The following NR3C1 variants were observed in gnomAD, a reference collection of about 807,000 sequenced individuals.
NR3C1 encodes the protein nuclear receptor subfamily 3 group C member 1, also known as glucocorticoid receptor.
A neutral mutation model predicts 74.0 loss-of-function variants in NR3C1; 14 were observed. That is an observed-to-expected ratio of 0.19 (90% CI 0.12 to 0.30). NR3C1 has a LOEUF of 0.30. NR3C1 is among the 10% of genes least tolerant of loss of function. The pLI, the probability that NR3C1 is intolerant of heterozygous loss-of-function variation, is 1.00. For missense variants in NR3C1, 695 were observed against 909.8 expected (o/e 0.76, Z 3.04); for synonymous variants, 308 against 332.5 (o/e 0.93, Z 0.80).
At chr5:143,335,490 G>C (rs1211682222) in intron 2 of NR3C1, among the ~76,000 whole-genome samples, 2 of 152,276 alleles carry the variant, frequency 1.3e-5, no homozygotes, top group South Asian at 4.1e-4. Flanking sequence ...TAACTATTTA[G>C]ACAATTTAGA....
intron 2 of NR3C1, among the ~76,000 whole-genome samples, chr5:143,395,206 T>C (rs886557878): frequency 6.6e-6 from 1 of 151,946 alleles, no homozygotes; most frequent in African/African-American, 2.4e-5. Flanking sequence ...TTTTCTTTTT[T>C]AAAATTGAAA....
chr5:143,356,350 A>G (rs1418170491), intron 2 of NR3C1, among the ~76,000 whole-genome samples: 1 of 152,148 alleles, frequency 6.6e-6, no homozygotes, highest in Non-Finnish European at 1.5e-5. Context: ...TAATATTAAT[A>G]TTAATATTAA....
chr5:143,418,052 G>A (rs1483652383), intron 1 of NR3C1, among the ~76,000 whole-genome samples: 2 of 152,174 alleles, frequency 1.3e-5, no homozygotes, highest in Non-Finnish European at 2.9e-5. Flanking sequence ...GAAGCACAGA[G>A]AAATAAAATG....
intron 2 of NR3C1, among the ~76,000 whole-genome samples, chr5:143,372,367 T>C (rs1306498699): frequency 6.6e-6 from 1 of 151,886 alleles, no homozygotes; most frequent in Non-Finnish European, 1.5e-5. Context: ...ACTAGAAGAG[T>C]CAATCTGATA....
chr5:143,417,552 A>C (rs990932425), intron 1 of NR3C1, among the ~76,000 whole-genome samples: 3 of 152,182 alleles, frequency 2.0e-5, no homozygotes, highest in Non-Finnish European at 4.4e-5. Context: ...GGAGGTTCTT[A>C]TACAGATTAA....
chr5:143,338,344 CTT>C (rs562531555), intron 2 of NR3C1, among the ~76,000 whole-genome samples: 1 of 144,538 alleles, frequency 6.9e-6, no homozygotes, highest in Non-Finnish European at 1.5e-5. Context: ...ACTTCTTGTC[CTT>C]TTTTTTTTTT....
Position 143,370,444 on chromosome 5 carries a change from T to C in NR3C1, c.1184+29212A>G, listed in dbSNP as rs916660713. ...TTCATTAATTATAAATATGTCCTTA[T>C]TGTTTAGCCAACTTTACTTAGAGGG... On this transcript the variant is annotated intron_variant, in intron 2 of 8. Coordinates refer to ENST00000394464, the MANE Select transcript of NR3C1 (RefSeq NM_000176.3). Among the ~76,000 whole-genome samples the C allele has an allele frequency of 3.3e-5, 5 of 152,260 alleles. No individual in the cohort carries two copies. In the South Asian group the frequency reaches 1.0e-3, roughly 31 times the overall value.
At chr5:143,379,389 G>T (rs566557332) in intron 2 of NR3C1, among the ~76,000 whole-genome samples, 4 of 152,140 alleles carry the variant, frequency 2.6e-5, no homozygotes, top group Non-Finnish European at 5.9e-5. Flanking sequence ...CTGAACCTTT[G>T]TTAGTCTCTA....
At chr5:143,367,306 A>G (rs1424403385) in intron 2 of NR3C1, among the ~76,000 whole-genome samples, 4 of 152,306 alleles carry the variant, frequency 2.6e-5, no homozygotes, top group African/African-American at 9.6e-5. Context: ...ACCCCACAAC[A>G]ACACACTTAA....
At chr5:143,359,421 A>ATTGTCTTGGACTC (rs1483187553) in intron 2 of NR3C1, among the ~76,000 whole-genome samples, 1 of 152,050 alleles carries the variant, frequency 6.6e-6, no homozygotes, top group Non-Finnish European at 1.5e-5. Flanking sequence ...TCTGCCTATT[A>ATTGTCTTGGACTC]TTGTCTTGGA....
At chr5:143,392,688 C>T (rs1033597349) in intron 2 of NR3C1, among the ~76,000 whole-genome samples, 2 of 152,014 alleles carry the variant, frequency 1.3e-5, no homozygotes, top group South Asian at 4.1e-4. Context: ...TGAATGCATG[C>T]AAAGTGCTTA....
At chr5:143,329,840 C>T (rs1308083646) in intron 2 of NR3C1, among the ~76,000 whole-genome samples, 2 of 152,038 alleles carry the variant, frequency 1.3e-5, no homozygotes, top group Non-Finnish European at 1.5e-5. Context: ...GTGAATTGTT[C>T]TAAAATTCAA....
rs898418153 is a variant in NR3C1, at chr5:143,403,558, G to A, written c.-361C>T. 2.0e-6 allele frequency: 2 copies of A among 985,764 alleles called. No individual in the cohort carries two copies. The highest frequency in any genetic ancestry group is 4.7e-5 in the South Asian group (1 of 21,304). 61.1% of individuals were successfully genotyped at this position (985,764 alleles called of 1,614,324 possible). ...CCCCGACGGGCAGGCGGTGACTCGG[G>A]CTCCCGTCACAGACACGAGCTCGCA... is the stretch of plus-strand genomic sequence containing the variant. On this transcript the variant is annotated 5_prime_UTR_variant, in exon 1 of 9. Transcript: ENST00000394464.
At chr5:143,386,466 G>A (rs1600484651) in intron 2 of NR3C1, among the ~76,000 whole-genome samples, 1 of 152,306 alleles carries the variant, frequency 6.6e-6, no homozygotes, top group Non-Finnish European at 1.5e-5. Context: ...TGTTCAGGGT[G>A]TACTTGTTAG....
intron 1 of NR3C1, among the ~76,000 whole-genome samples, chr5:143,414,585 T>C (rs1841418860): frequency 6.6e-6 from 1 of 152,230 alleles, no homozygotes; most frequent in South Asian, 2.1e-4. Flanking sequence ...TCTCTGTGAT[T>C]TTATCACGTG....
At chr5:143,377,636 T>C (rs1835442866) in intron 2 of NR3C1, among the ~76,000 whole-genome samples, 1 of 152,348 alleles carries the variant, frequency 6.6e-6, no homozygotes, top group African/African-American at 2.4e-5. Context: ...GCTGAAAAGG[T>C]ACAAGGTCCT....
intron 2 of NR3C1, chr5:143,332,976 G>A (rs1207220214): frequency 1.4e-5 from 22 of 1,588,064 alleles, no homozygotes; most frequent in Non-Finnish European, 1.7e-5. Flanking sequence ...ACAAGCCAAG[G>A]TCAAGAATAA....
intron 2 of NR3C1, among the ~76,000 whole-genome samples, chr5:143,375,301 T>C (rs1834989797): frequency 6.6e-6 from 1 of 151,226 alleles, no homozygotes; most frequent in South Asian, 2.1e-4. Context: ...GATTTAAACC[T>C]AAAAAAAAAT....
At chr5:143,373,187 G>T (rs1561702098) in intron 2 of NR3C1, among the ~76,000 whole-genome samples, 1 of 152,042 alleles carries the variant, frequency 6.6e-6, no homozygotes, top group African/African-American at 2.4e-5. Flanking sequence ...TGTATGCCTT[G>T]TGATCTAGTT....
Sources: gnomAD v4.1 joint callset for allele counts (sites outside exome capture counted in the v4.1 genomes callset) on GRCh38, gnomAD v4.1.1 for gene constraint, MANE v1.5 for transcripts, NCBI Gene and HGNC (gene_info 2026-07-23, HGNC 2026-07-21) for gene names.